SORCS3: variants seen among roughly 807,000 people sequenced by gnomAD.
The protein encoded by SORCS3 is sortilin related VPS10 domain containing receptor 3.
SORCS3 carries 57 observed loss-of-function variants against 146.3 expected under a neutral mutation model. The observed-to-expected ratio is 0.39, with a 90% CI of 0.31 to 0.49. The LOEUF (loss-of-function observed/expected upper bound fraction) is 0.49, where lower values mean the gene tolerates loss of function less well. Ranked by LOEUF, SORCS3 falls within the 20% of genes least tolerant of loss-of-function variation. The pLI is 0.92. For synonymous variants in SORCS3, 653 were observed against 618.5 expected, an observed-to-expected ratio of 1.06 and a Z score of -0.83; for missense variants, 1,341 against 1,575.5, an observed-to-expected ratio of 0.85 and a Z score of 2.52.
intron 7 of SORCS3, among the ~76,000 whole-genome samples, chr10:105,110,490 T>C (rs1013007542): frequency 6.6e-6 from 1 of 152,186 alleles, no homozygotes; most frequent in Non-Finnish European, 1.5e-5. Context: ...TATTTTTTAA[T>C]GCTGTGAGTT....
intron 1 of SORCS3, among the ~76,000 whole-genome samples, chr10:104,713,703 T>C (rs1345448007): frequency 6.6e-6 from 1 of 152,216 alleles, no homozygotes; most frequent in Non-Finnish European, 1.5e-5. Flanking sequence ...CTAATATTGG[T>C]TGGGGATTTT....
chr10:104,883,770 A>G (rs2018653234), intron 2 of SORCS3, among the ~76,000 whole-genome samples: 1 of 152,146 alleles, frequency 6.6e-6, no homozygotes, highest in Admixed American at 6.6e-5. Flanking sequence ...GGCTGGGCCA[A>G]TTCAACTTCT....
At chr10:105,023,926 T>C (rs1178191809) in intron 4 of SORCS3, among the ~76,000 whole-genome samples, 1 of 151,796 alleles carries the variant, frequency 6.6e-6, no homozygotes, top group South Asian at 2.1e-4. Flanking sequence ...AACCGTAAAA[T>C]CCAGTTGGAA....
intron 1 of SORCS3, among the ~76,000 whole-genome samples, chr10:104,679,981 A>T (rs1471153143): frequency 1.3e-5 from 2 of 152,198 alleles, no homozygotes; most frequent in African/African-American, 4.8e-5. Context: ...CTGCTGTGAG[A>T]CTGCATGGGA....
At chr10:104,886,019 GA>G in intron 2 of SORCS3, among the ~76,000 whole-genome samples, 1 of 152,264 alleles carries the variant, frequency 6.6e-6, no homozygotes, top group South Asian at 2.1e-4. Context: ...TTTAACAGCT[GA>G]AAAAACTGAG....
intron 11 of SORCS3, among the ~76,000 whole-genome samples, 194 bp downstream of exon 11, chr10:105,159,188 G>C (rs142866709): frequency 0.011 from 1,629 of 152,182 alleles, 30 homozygotes; most frequent in African/African-American, 0.038. Context: ...GTAATTCCTA[G>C]GCTCATGCAT....
intron 7 of SORCS3, among the ~76,000 whole-genome samples, chr10:105,128,453 A>G (rs1189671092): frequency 6.6e-6 from 1 of 152,146 alleles, no homozygotes; most frequent in Non-Finnish European, 1.5e-5. Flanking sequence ...CATGCCCCAA[A>G]GAAGCGTCCC....
At chr10:105,123,155 A>AG (rs1488274521) in intron 7 of SORCS3, among the ~76,000 whole-genome samples, 1 of 152,242 alleles carries the variant, frequency 6.6e-6, no homozygotes, top group African/African-American at 2.4e-5. Context: ...AAAGAGGGTG[A>AG]GGGGCCGTAT....
Position 105,098,570 on chromosome 10 carries a change from G to A in SORCS3, c.1094-6827G>A, listed in dbSNP as rs570256628. Among the ~76,000 whole-genome samples the A allele has an allele frequency of 1.1e-4, 17 of 152,204 alleles. No homozygotes were observed. In the South Asian group the frequency reaches 1.7e-3, roughly 15 times the overall value. ...TCACCTGGGTTCAAATTCTAGCTCC[G>A]TCACTTCCTAGAGCTGTGGAACTTA... On this transcript the variant is annotated intron_variant, in intron 6 of 26. Transcript: ENST00000369701.
intron 5 of SORCS3, among the ~76,000 whole-genome samples, chr10:105,062,535 G>A (rs995570845): frequency 6.6e-6 from 1 of 152,150 alleles, no homozygotes; most frequent in African/African-American, 2.4e-5. Flanking sequence ...CAGAGCAGGT[G>A]CCACGATAGG....
chr10:105,077,134 C>G (rs2055593775), intron 5 of SORCS3, among the ~76,000 whole-genome samples: 1 of 152,146 alleles, frequency 6.6e-6, no homozygotes, highest in African/African-American at 2.4e-5. Context: ...GTTTTCCACC[C>G]TTCCTTCTTT....
intron 14 of SORCS3, among the ~76,000 whole-genome samples, chr10:105,178,843 A>G (rs2056425118): frequency 6.6e-6 from 1 of 152,082 alleles, no homozygotes; most frequent in African/African-American, 2.4e-5. Context: ...TCAGCTCTTC[A>G]CTGGACAGAG....
At chr10:104,938,180 T>C (rs1250315059) in intron 3 of SORCS3, among the ~76,000 whole-genome samples, 1 of 152,194 alleles carries the variant, frequency 6.6e-6, no homozygotes, top group African/African-American at 2.4e-5. Context: ...CCAAACTTTC[T>C]CAAGCTGATG....
intron 3 of SORCS3, among the ~76,000 whole-genome samples, chr10:104,957,462 T>C (rs1351836717): frequency 6.6e-6 from 1 of 152,134 alleles, no homozygotes; most frequent in African/African-American, 2.4e-5. Flanking sequence ...TTGGACCTTT[T>C]GACAAATGTG....
chr10:104,942,230 A>G (rs912457753), intron 3 of SORCS3, among the ~76,000 whole-genome samples: 1 of 152,174 alleles, frequency 6.6e-6, no homozygotes, highest in Non-Finnish European at 1.5e-5. Context: ...AAACGTTACC[A>G]TTTCCTAGAG....
At chr10:105,107,002 G>T (rs2133754392) in intron 7 of SORCS3, among the ~76,000 whole-genome samples, 1 of 149,624 alleles carries the variant, frequency 6.7e-6, no homozygotes, top group East Asian at 2.0e-4. Flanking sequence ...CTATTTCCAA[G>T]GTTTGATGAC....
chr10:104,768,959 G>C (rs2017214799), intron 1 of SORCS3, among the ~76,000 whole-genome samples: 1 of 152,174 alleles, frequency 6.6e-6, no homozygotes, highest in Non-Finnish European at 1.5e-5. Context: ...AATGGCCTTA[G>C]AGAGTAGCTC....
At chr10:105,037,098 C>T (rs1300969414) in intron 4 of SORCS3, among the ~76,000 whole-genome samples, 3 of 152,144 alleles carry the variant, frequency 2.0e-5, no homozygotes, top group Non-Finnish European at 2.9e-5. Context: ...CTCATATGAT[C>T]ATTATAAATT....
chr10:104,757,852 C>T lies in SORCS3; in HGVS notation c.628-84940C>T, dbSNP rs138658169. ...ATTCTCTACTTGCGGTTCCCCACTG[C>T]CACCACCCCCCCCCCCACACCCGCT... On this transcript the variant is annotated intron_variant, in intron 1 of 26. Coordinates refer to ENST00000369701, the MANE Select transcript of SORCS3 (RefSeq NM_014978.3). Among the ~76,000 whole-genome samples the T allele has an allele frequency of 4.6e-3, 34 of 7,378 alleles. No homozygotes were observed. The East Asian group carries it at 0.26, about 56-fold the overall frequency. 4.8% of individuals were successfully genotyped at this position (7,378 alleles called of 152,430 possible).
Sources: allele counts gnomAD v4.1 joint callset (sites outside exome capture counted in the v4.1 genomes callset), GRCh38; gene constraint gnomAD v4.1.1; transcripts MANE v1.5; gene names NCBI Gene and HGNC (gene_info 2026-07-23, HGNC 2026-07-21).